Variants in KIF13A observed in about 807,000 individuals in gnomAD.
KIF13A encodes the protein kinesin family member 13A, also known as kinesin-like protein KIF13A.
A neutral mutation model predicts 212.2 loss-of-function variants in KIF13A; 79 were observed. The observed-to-expected ratio is 0.37, with a 90% CI of 0.31 to 0.45. KIF13A has a LOEUF of 0.45. Ranked by LOEUF, KIF13A falls within the 20% of genes least tolerant of loss-of-function variation. The pLI is 1.00. For missense variants in KIF13A, 1,901 were observed against 2,209.0 expected, an observed-to-expected ratio of 0.86 and a Z score of 2.79; for synonymous variants, 789 against 808.6, an observed-to-expected ratio of 0.98 and a Z score of 0.41.
chr6:17,975,039 A>G (rs1428692062), intron 2 of KIF13A, among the ~76,000 whole-genome samples: 1 of 152,136 alleles, frequency 6.6e-6, no homozygotes, highest in East Asian at 1.9e-4. Context: ...TCACCTGGGA[A>G]CTTGTTAGAA....
At position 17,817,119 on chromosome 6, in the gene KIF13A, T is replaced by C. The variant is rs903296544; in HGVS notation, c.1901A>G (p.Gln634Arg). The change falls in exon 17 of 39, where the codon CAG becomes CGG. Residue 634 changes from glutamine to arginine, a missense_variant. Gln to Arg is a conservative substitution (Grantham distance 43). Transcript: ENST00000259711. ...YERELEQLRQ[Q>R]LSPDRQPQSS... ...CTGTGGCTGCCTGTCGGGGGAGAGC[T>C]GCTGGCGGAGTTGCTCCAGTTCCCG... 1.2e-6 allele frequency: 2 copies of C among 1,614,036 alleles called. No individual in the cohort carries two copies. Among genetic ancestry groups the C allele is most frequent in the Non-Finnish European group, 1.7e-6 (2 of 1,179,882 alleles).
At chr6:17,893,769 C>T (rs1420262466) in intron 3 of KIF13A, among the ~76,000 whole-genome samples, 1 of 150,916 alleles carries the variant, frequency 6.6e-6, no homozygotes, top group Non-Finnish European at 1.5e-5. Flanking sequence ...TAGGCTGCTG[C>T]AAGTTTGTAT....
intron 2 of KIF13A, among the ~76,000 whole-genome samples, chr6:17,936,170 C>A (rs545514677): frequency 2.6e-5 from 4 of 152,246 alleles, no homozygotes; most frequent in African/African-American, 9.6e-5. Context: ...TTTTTTGAGA[C>A]GGTGTCTTAC....
chr6:17,796,668 C>A lies in KIF13A; in HGVS notation c.2942+1G>T. On this transcript the variant is annotated splice_donor_variant, in intron 23 of 38. Transcript: ENST00000259711. LOFTEE classifies it high-confidence loss of function. ...CCTAAAGCTCACAGCCAAGTACAAA[C>A]CTGTCATGCAGTGTTCTTGTCTTAG... 6.6e-7 allele frequency: 1 copy of A among 1,504,076 alleles called. No homozygotes were observed. The highest frequency in any genetic ancestry group is 8.9e-7 in the Non-Finnish European group (1 of 1,119,282). 93.2% of individuals were successfully genotyped at this position (1,504,076 alleles called of 1,614,324 possible). A position where few individuals can be genotyped will look rare whatever the true frequency, so the allele number is the denominator to read the frequency against.
intron 3 of KIF13A, among the ~76,000 whole-genome samples, chr6:17,896,978 C>T (rs1020922657): frequency 2.6e-5 from 4 of 152,140 alleles, no homozygotes; most frequent in East Asian, 3.8e-4. Context: ...ATATCTACGT[C>T]GACAATTGCT....
downstream of KIF13A, among the ~76,000 whole-genome samples, chr6:17,762,374 G>A (rs1464391657): frequency 1.3e-5 from 2 of 151,924 alleles, no homozygotes; most frequent in African/African-American, 2.4e-5. Context: ...CACCATATCC[G>A]GCTAATTTTT....
At chr6:17,778,256 T>C (rs973418877) in intron 33 of KIF13A, among the ~76,000 whole-genome samples, 1 of 152,238 alleles carries the variant, frequency 6.6e-6, no homozygotes, top group African/African-American at 2.4e-5. Context: ...CTTCTAACTA[T>C]GTATCTCATT....
downstream of KIF13A, chr6:17,759,615 CA>C (rs1758498857): frequency 6.6e-6 from 1 of 152,176 alleles, no homozygotes; most frequent in Admixed American, 6.5e-5. Context: ...AATTTCCATA[CA>C]CATAATCCTT....
rs1768037864 is a variant in KIF13A, at chr6:17,855,276, T to G, written c.494+161A>C. On this transcript the variant is annotated intron_variant, in intron 6 of 38. Coordinates refer to ENST00000259711, the MANE Select transcript of KIF13A (RefSeq NM_022113.6). The surrounding 1 kb of genome is among the most constrained non-coding windows in gnomAD (Gnocchi z 4.1). ...ATTAATGTAGGATAAACACTGGGTA[T>G]ACCAAAAGGCTTTGAGAAGCTGATG... Among the ~76,000 whole-genome samples the G allele has an allele frequency of 1.3e-5, 2 of 152,254 alleles. No homozygotes were observed. Among genetic ancestry groups the G allele is most frequent in the African/African-American group, 4.8e-5 (2 of 41,472 alleles).
chr6:17,847,957 G>A (rs1189420188), intron 9 of KIF13A, among the ~76,000 whole-genome samples: 2 of 151,872 alleles, frequency 1.3e-5, no homozygotes. Context: ...GATTACAGGC[G>A]CCTGCCACCA....
intron 16 of KIF13A, among the ~76,000 whole-genome samples, chr6:17,824,715 C>T (rs1764791701): frequency 1.5e-5 from 2 of 137,042 alleles, no homozygotes; most frequent in Non-Finnish European, 1.5e-5. Flanking sequence ...GAACCGAGAT[C>T]GTGCCACTGC....
In KIF13A at chr6:17,777,244, C is replaced by A; in HGVS notation, c.4170+33G>T. 1.3e-6 allele frequency: 2 copies of A among 1,559,724 alleles called. No homozygotes were observed. Among genetic ancestry groups the A allele is most frequent in the Non-Finnish European group, 1.8e-6 (2 of 1,136,796 alleles). ...CCACCCCAGAGGCTGCGACATGTCA[C>A]ATAGGAGCAGATCCTTGGCAGGATG... On this transcript the variant is annotated intron_variant, in intron 34 of 38. Coordinates refer to ENST00000259711, the MANE Select transcript of KIF13A (RefSeq NM_022113.6). The surrounding 1 kb of genome is among the most constrained non-coding windows in gnomAD (Gnocchi z 4.4).
chr6:17,913,599 C>G (rs1015228453), intron 2 of KIF13A, among the ~76,000 whole-genome samples: 1 of 151,762 alleles, frequency 6.6e-6, no homozygotes, highest in African/African-American at 2.4e-5. Flanking sequence ...GTCTGTGTTT[C>G]CTTCATTCAT....
intron 2 of KIF13A, among the ~76,000 whole-genome samples, chr6:17,976,132 C>G (rs966664358): frequency 1.3e-5 from 2 of 152,242 alleles, no homozygotes; most frequent in Admixed American, 1.3e-4. Context: ...CTGGCTTCAC[C>G]CAGTGGATCC....
chr6:17,987,023 C>T lies in KIF13A; in HGVS notation c.146+31G>A. The T allele has an allele frequency of 6.5e-7, 1 of 1,546,202 alleles. No homozygotes were observed. The highest frequency in any genetic ancestry group is 1.1e-5 in the South Asian group (1 of 89,524). ...TTGCGGGACCCCGCGAGGCTGGATC[C>T]TCCCAGCCGCCCTCTCGGAACCCGC... On this transcript the variant is annotated intron_variant, in intron 2 of 38. Coordinates refer to ENST00000259711, the MANE Select transcript of KIF13A (RefSeq NM_022113.6). This position sits in a 1 kb window ranked among gnomAD's most constrained non-coding sequence, Gnocchi z 7.7.
rs79071088 is a variant in KIF13A, at chr6:17,828,451, C to T, written c.1402-81G>A. On this transcript the variant is annotated intron_variant, in intron 13 of 38. Coordinates refer to ENST00000259711, the MANE Select transcript of KIF13A (RefSeq NM_022113.6). The surrounding 1 kb of genome is among the most constrained non-coding windows in gnomAD (Gnocchi z 4.3). ...AATGTATCACAATCAATTTGAATAA[C>T]GCAGCAGCATATGCACAAAAATATT... 9.3e-4 allele frequency: 1,147 copies of T among 1,231,110 alleles called. 22 individuals carry two copies. The East Asian group carries it at 0.027, about 29-fold the overall frequency. The allele number at this position is 1,231,110 out of a possible 1,614,324, so 76.3% of individuals were successfully genotyped here. A position where few individuals can be genotyped will look rare whatever the true frequency, so the allele number is the denominator to read the frequency against.
At chr6:17,931,984 T>G (rs1776026171) in intron 2 of KIF13A, among the ~76,000 whole-genome samples, 1 of 152,170 alleles carries the variant, frequency 6.6e-6, no homozygotes, top group Non-Finnish European at 1.5e-5. Flanking sequence ...GTCCCCAGAC[T>G]AACAGCATCA....
chr6:17,787,315 A>G lies in KIF13A; in HGVS notation c.3361+461T>C, dbSNP rs1761137760. Among the ~76,000 whole-genome samples the G allele has an allele frequency of 6.6e-6, 1 of 152,214 alleles. No individual in the cohort carries two copies. The highest frequency in any genetic ancestry group is 6.5e-5 in the Admixed American group (1 of 15,284). On this transcript the variant is annotated intron_variant, in intron 27 of 38. Coordinates refer to ENST00000259711, the MANE Select transcript of KIF13A (RefSeq NM_022113.6). This position sits in a 1 kb window ranked among gnomAD's most constrained non-coding sequence, Gnocchi z 4.6. The stretch of plus-strand genomic sequence containing the variant: ...AATTTGGAGGCCTCTTAAACCAACA[A>G]TGTATAATATGATTGACTGATGTCT...
intron 9 of KIF13A, among the ~76,000 whole-genome samples, chr6:17,847,055 G>A (rs1418222712): frequency 6.6e-6 from 1 of 152,202 alleles, no homozygotes; most frequent in Non-Finnish European, 1.5e-5. Context: ...GGAGCATTCA[G>A]AATAGTGCCT....
Sources: gnomAD v4.1 joint callset for allele counts (sites outside exome capture counted in the v4.1 genomes callset) on GRCh38, gnomAD v4.1.1 for gene constraint, Gnocchi (gnomAD v3.1) non-coding constraint, MANE v1.5 for transcripts, NCBI Gene and HGNC (gene_info 2026-07-23, HGNC 2026-07-21) for gene names.